The following AUTS2 variants were observed in gnomAD, a reference collection of about 807,000 sequenced individuals.
AUTS2 encodes activator of transcription and developmental regulator AUTS2.
Under a neutral mutation model 112.4 loss-of-function variants are expected in AUTS2, and 17 were observed. That is an observed-to-expected ratio of 0.15 (90% CI 0.10 to 0.23). AUTS2 has a LOEUF of 0.23. Ranked by LOEUF, AUTS2 falls within the 10% of genes least tolerant of loss-of-function variation. AUTS2 has a pLI of 1.00. For synonymous variants in AUTS2, 751 were observed against 702.7 expected, an observed-to-expected ratio of 1.07 and a Z score of -1.09; for missense variants, 1,510 against 1,701.6, an observed-to-expected ratio of 0.89 and a Z score of 1.98.
chr7:70,010,961 T>G (rs1322423962), intron 2 of AUTS2, among the ~76,000 whole-genome samples: 1 of 152,218 alleles, frequency 6.6e-6, no homozygotes, highest in African/African-American at 2.4e-5. Context: ...AGAGATTTGC[T>G]TGACTTACTT....
At chr7:70,471,731 G>A (rs1040208008) in intron 5 of AUTS2, among the ~76,000 whole-genome samples, 18 of 152,136 alleles carry the variant, frequency 1.2e-4, no homozygotes, top group Non-Finnish European at 4.4e-5. Context: ...ACAGTGGGGA[G>A]GGATGCAAGG....
chr7:70,080,001 G>T (rs1803225226), intron 2 of AUTS2, among the ~76,000 whole-genome samples: 1 of 152,066 alleles, frequency 6.6e-6, no homozygotes, highest in Admixed American at 6.5e-5. Flanking sequence ...ATTCATGAGG[G>T]TAGAGCCCTC....
intron 2 of AUTS2, among the ~76,000 whole-genome samples, chr7:69,918,414 A>T (rs916581048): frequency 2.0e-5 from 3 of 152,202 alleles, no homozygotes; most frequent in African/African-American, 7.2e-5. Flanking sequence ...AATTGCCTAT[A>T]CTGAACCCTT....
intron 5 of AUTS2, among the ~76,000 whole-genome samples, chr7:70,558,396 G>C (rs1209898670): frequency 1.3e-5 from 2 of 152,104 alleles, no homozygotes; most frequent in African/African-American, 4.8e-5. Context: ...AGCTGTGGGG[G>C]ACCCTTCCAT....
At chr7:69,938,307 C>G (rs1562981341) in intron 2 of AUTS2, among the ~76,000 whole-genome samples, 1 of 152,174 alleles carries the variant, frequency 6.6e-6, no homozygotes, top group South Asian at 2.1e-4. Context: ...TCTTTCTGCT[C>G]TTCTATAAAA....
Position 70,624,102 on chromosome 7 carries a change from C to T in AUTS2, c.691-74467C>T, listed in dbSNP as rs555421364. 3.3e-5 allele frequency among the ~76,000 whole-genome samples: 5 copies of T among 152,292 alleles called. No individual in the cohort carries two copies. In the East Asian group the frequency reaches 7.7e-4, roughly 23 times the overall value. ...GATAGATCATACTTTAATGTTTATA[C>T]CTTGGGCTTATTGATAATTTTAAAA... On this transcript the variant is annotated intron_variant, in intron 5 of 18. Coordinates refer to ENST00000342771, the MANE Select transcript of AUTS2 (RefSeq NM_015570.4).
At chr7:69,895,978 T>C (rs1440195642) in intron 1 of AUTS2, among the ~76,000 whole-genome samples, 1 of 152,174 alleles carries the variant, frequency 6.6e-6, no homozygotes. Context: ...TTATACCCTG[T>C]GGGGAGTTTT....
intron 4 of AUTS2, among the ~76,000 whole-genome samples, chr7:70,192,056 T>C (rs1809928557): frequency 6.6e-6 from 1 of 152,218 alleles, no homozygotes; most frequent in Admixed American, 6.5e-5. Context: ...CTCCTTGTTT[T>C]ACCTCTGTAG....
chr7:70,281,598 A>G (rs1159415676), intron 4 of AUTS2, among the ~76,000 whole-genome samples: 1 of 152,258 alleles, frequency 6.6e-6, no homozygotes, highest in African/African-American at 2.4e-5. Flanking sequence ...TTGTTAACAT[A>G]CAGAGAAGAA....
At chr7:69,672,635 G>T (rs188207156) in intron 1 of AUTS2, among the ~76,000 whole-genome samples, 3 of 152,202 alleles carry the variant, frequency 2.0e-5, no homozygotes, top group Non-Finnish European at 2.9e-5. Context: ...CTGTCCTCAG[G>T]CAGTCTACCA....
At chr7:70,435,660 T>C in intron 4 of AUTS2, 92 bp from the exon 5 acceptor site, 1 of 1,300,940 alleles carries the variant, frequency 7.7e-7, no homozygotes, top group Non-Finnish European at 1.1e-6. Flanking sequence ...TATCTTGCAC[T>C]TTTTTTGTAT....
intron 1 of AUTS2, among the ~76,000 whole-genome samples, chr7:69,728,682 T>A (rs79022628): frequency 1.1e-3 from 162 of 147,276 alleles, no homozygotes; most frequent in African/African-American, 3.3e-3. Context: ...GCTTGTGGCT[T>A]TTTTTTTTTT....
At position 70,626,016 on chromosome 7, in the gene AUTS2, G is replaced by A. The variant is rs147747272; in HGVS notation, c.691-72553G>A. ...CAACCTTCACCTCCCAGGTTCAAGC[G>A]ATTCTCTTGTCTCAGCCTCCTGAGT... is the stretch of plus-strand genomic sequence containing the variant. On this transcript the variant is annotated intron_variant, in intron 5 of 18. Transcript: ENST00000342771. Among the ~76,000 whole-genome samples, 832 of 152,110 alleles carry A rather than the reference G, an allele frequency of 5.5e-3. 8 individuals carry two copies. Among genetic ancestry groups the A allele is most frequent in the African/African-American group, 0.019 (784 of 41,512 alleles).
chr7:70,430,673 G>A (rs1331481926), intron 4 of AUTS2, among the ~76,000 whole-genome samples: 1 of 152,042 alleles, frequency 6.6e-6, no homozygotes, highest in Non-Finnish European at 1.5e-5. Flanking sequence ...GAAAAGGAAG[G>A]GCCTTGAAAA....
chr7:70,672,181 G>A (rs1278597149), intron 5 of AUTS2, among the ~76,000 whole-genome samples: 2 of 152,226 alleles, frequency 1.3e-5, no homozygotes, highest in South Asian at 2.1e-4. Context: ...ATACAGAAGT[G>A]TAAGGCAGGA....
chr7:70,404,685 T>C lies in AUTS2; in HGVS notation c.661-31067T>C, dbSNP rs544270073. The stretch of plus-strand genomic sequence containing the variant: ...TGCTCTGCATATGTGCAGAGGAAAT[T>C]TGGGGGGACCCTGTTCACCTTTGGC... On this transcript the variant is annotated intron_variant, in intron 4 of 18. Transcript: ENST00000342771. Among the ~76,000 whole-genome samples, 10 of 152,286 alleles carry C rather than the reference T, an allele frequency of 6.6e-5. No homozygotes were observed. The South Asian group carries it at 1.7e-3, about 25-fold the overall frequency.
intron 4 of AUTS2, among the ~76,000 whole-genome samples, chr7:70,377,661 C>G (rs925845739): frequency 4.0e-5 from 6 of 151,780 alleles, no homozygotes; most frequent in African/African-American, 1.2e-4. Context: ...CCCTGCCAAC[C>G]AGCATTCTAC....
intron 4 of AUTS2, among the ~76,000 whole-genome samples, chr7:70,348,406 C>T (rs1169944963): frequency 6.6e-6 from 1 of 152,192 alleles, no homozygotes; most frequent in Non-Finnish European, 1.5e-5. Flanking sequence ...ATGTGTCTAA[C>T]TACCTTTAAA....
At chr7:70,410,343 A>C (rs1478198308) in intron 4 of AUTS2, among the ~76,000 whole-genome samples, 1 of 152,066 alleles carries the variant, frequency 6.6e-6, no homozygotes, top group African/African-American at 2.4e-5. Flanking sequence ...TGAACTTCAG[A>C]TTTCATATCT....
Sources: allele counts gnomAD v4.1 joint callset (sites outside exome capture counted in the v4.1 genomes callset), GRCh38; gene constraint gnomAD v4.1.1; transcripts MANE v1.5; gene names NCBI Gene and HGNC (gene_info 2026-07-23, HGNC 2026-07-21).